Variants in MAML2 observed in about 807,000 individuals in gnomAD.
MAML2 encodes the protein mastermind like transcriptional coactivator 2, also known as mastermind-like protein 2.
In MAML2, 22 loss-of-function variants were observed where a neutral mutation model predicts 96.1. The ratio of observed to expected loss-of-function variants is 0.23; its 90% CI spans 0.16 to 0.33. The LOEUF is 0.33. Among genes scored for constraint, MAML2 ranks in the 10% least tolerant of loss-of-function variants. The pLI is 1.00. For missense variants in MAML2, 1,367 were observed against 1,392.4 expected, an observed-to-expected ratio of 0.98 and a Z score of 0.29; for synonymous variants, 561 against 521.3, an observed-to-expected ratio of 1.08 and a Z score of -1.04.
At chr11:96,295,583 A>C (rs1219172575) in intron 1 of MAML2, among the ~76,000 whole-genome samples, 1 of 152,096 alleles carries the variant, frequency 6.6e-6, no homozygotes, top group African/African-American at 2.4e-5. Context: ...TGGAGGCACA[A>C]TAGTAATTTA....
Position 96,093,052 on chromosome 11 carries a change from C to G in MAML2, c.979G>C (p.Glu327Gln), listed in dbSNP as rs755340439. 2 of 1,613,872 alleles carry G rather than the reference C, an allele frequency of 1.2e-6. No individual in the cohort carries two copies. Among genetic ancestry groups the G allele is most frequent in the Admixed American group, 3.3e-5 (2 of 60,002 alleles). Residue 327 changes from glutamate (E) to glutamine (Q), a missense_variant, in exon 2 of 5, where the codon GAG becomes CAG. Physicochemically the swap from Glu to Gln is conservative, Grantham distance 29. Coordinates refer to ENST00000524717, the MANE Select transcript of MAML2 (RefSeq NM_032427.4). ...TTTATGGTGGCATTGATCATGTTCT[C>G]CAGTTCAAGGTCACTCATGGGAGGC... ...SVPPMSDLELENMINATIKQD... is the reference protein window; with the variant it reads ...SVPPMSDLELQNMINATIKQD...
At chr11:96,237,397 T>C (rs1862379382) in intron 1 of MAML2, among the ~76,000 whole-genome samples, 1 of 152,232 alleles carries the variant, frequency 6.6e-6, no homozygotes, top group Non-Finnish European at 1.5e-5. Context: ...ACTTACTGCC[T>C]ATCGCACAAT....
chr11:96,282,632 A>G (rs1863088171), intron 1 of MAML2, among the ~76,000 whole-genome samples: 1 of 152,218 alleles, frequency 6.6e-6, no homozygotes, highest in Non-Finnish European at 1.5e-5. Context: ...CACAGGAAAA[A>G]GTGAGGTTTC....
intron 1 of MAML2, among the ~76,000 whole-genome samples, chr11:96,320,936 T>C (rs1309084768): frequency 6.6e-6 from 1 of 152,218 alleles, no homozygotes; most frequent in African/African-American, 2.4e-5. Context: ...GGAATCCACA[T>C]GCTGGCCAAT....
At chr11:96,080,041 GTA>G (rs768953720) in intron 2 of MAML2, among the ~76,000 whole-genome samples, 4 of 152,162 alleles carry the variant, frequency 2.6e-5, no homozygotes, top group Non-Finnish European at 4.4e-5. Context: ...GAAAAGTTAG[GTA>G]TATGACCCCT....
intron 1 of MAML2, among the ~76,000 whole-genome samples, chr11:96,126,537 G>A (rs1377507529): frequency 6.6e-6 from 1 of 152,100 alleles, no homozygotes; most frequent in Non-Finnish European, 1.5e-5. Flanking sequence ...ACTCCAGCTT[G>A]GGCAACAGAG....
chr11:96,239,113 TACTC>T (rs1166458899), intron 1 of MAML2, among the ~76,000 whole-genome samples: 1 of 152,248 alleles, frequency 6.6e-6, no homozygotes, highest in African/African-American at 2.4e-5. Context: ...GTCCATTAAA[TACTC>T]ACTTTCCTAA....
At chr11:96,051,976 A>G (rs1422922041) in intron 2 of MAML2, among the ~76,000 whole-genome samples, 1 of 152,180 alleles carries the variant, frequency 6.6e-6, no homozygotes, top group Non-Finnish European at 1.5e-5. Context: ...TAGAAACTAG[A>G]CTATGAGATG....
intron 1 of MAML2, among the ~76,000 whole-genome samples, chr11:96,267,601 G>T (rs141606014): frequency 6.6e-6 from 1 of 152,134 alleles, no homozygotes; most frequent in Non-Finnish European, 1.5e-5. Flanking sequence ...CATTATTAAC[G>T]GGCTGGTGCT....
intron 2 of MAML2, among the ~76,000 whole-genome samples, chr11:96,078,080 C>T (rs3802765): frequency 5.9e-5 from 9 of 151,848 alleles, no homozygotes; most frequent in African/African-American, 1.7e-4. Context: ...CTCTCCATTT[C>T]GAACCTGGAG....
At chr11:95,985,494 A>T in intron 4 of MAML2, 37 bp downstream of exon 4, 5 of 1,264,266 alleles carry the variant, frequency 4.0e-6, no homozygotes, top group Admixed American at 4.7e-5. Context: ...TTTTCCTTTC[A>T]CAGCTATAAT....
chr11:96,223,726 C>A (rs564177603), intron 1 of MAML2, among the ~76,000 whole-genome samples: 1 of 152,070 alleles, frequency 6.6e-6, no homozygotes, highest in African/African-American at 2.4e-5. Flanking sequence ...CGCTCCCACC[C>A]GCCATACCCA....
At chr11:96,055,027 A>G (rs1314499509) in intron 2 of MAML2, among the ~76,000 whole-genome samples, 2 of 152,180 alleles carry the variant, frequency 1.3e-5, no homozygotes, top group East Asian at 3.9e-4. Flanking sequence ...TGGTTACAGT[A>G]TCTTAGCTAT....
intron 1 of MAML2, among the ~76,000 whole-genome samples, chr11:96,103,264 T>G (rs1336054437): frequency 6.6e-6 from 1 of 152,200 alleles, no homozygotes; most frequent in African/African-American, 2.4e-5. Flanking sequence ...CCAAACTCTA[T>G]TCCAGGAAAG....
intron 2 of MAML2, among the ~76,000 whole-genome samples, chr11:96,023,856 A>C (rs1858474341): frequency 6.6e-6 from 1 of 152,248 alleles, no homozygotes; most frequent in Non-Finnish European, 1.5e-5. Flanking sequence ...TGAGGTTATT[A>C]GGATGAGCTG....
chr11:96,010,409 G>A (rs1858248194), intron 2 of MAML2, among the ~76,000 whole-genome samples: 1 of 152,184 alleles, frequency 6.6e-6, no homozygotes, highest in Non-Finnish European at 1.5e-5. Context: ...ACTTTTATAT[G>A]TAGGGGACAC....
chr11:96,038,827 T>C (rs1171038649), intron 2 of MAML2, among the ~76,000 whole-genome samples: 1 of 152,246 alleles, frequency 6.6e-6, no homozygotes, highest in East Asian at 1.9e-4. Flanking sequence ...TCTACTCTAT[T>C]GAAACCTAGC....
chr11:96,314,879 G>C (rs910434881), intron 1 of MAML2, among the ~76,000 whole-genome samples: 3 of 152,192 alleles, frequency 2.0e-5, no homozygotes, highest in African/African-American at 7.2e-5. Flanking sequence ...CTAGGCCAGA[G>C]GACAGACAAA....
chr11:96,041,638 T>C (rs1858812816), intron 2 of MAML2, among the ~76,000 whole-genome samples: 1 of 152,118 alleles, frequency 6.6e-6, no homozygotes, highest in South Asian at 2.1e-4. Context: ...GTGTGTTCCA[T>C]TGCGTTTCAG....
Sources: allele counts gnomAD v4.1 joint callset (sites outside exome capture counted in the v4.1 genomes callset), GRCh38; gene constraint gnomAD v4.1.1; transcripts MANE v1.5; gene names NCBI Gene and HGNC (gene_info 2026-07-23, HGNC 2026-07-21).